Variants in LRFN2 observed in about 807,000 individuals in gnomAD.
LRFN2 encodes the protein leucine rich repeat and fibronectin type III domain containing 2, also known as leucine-rich repeat and fibronectin type-III domain-containing protein 2.
LRFN2 carries 18 observed loss-of-function variants against 37.3 expected under a neutral mutation model. The ratio of observed to expected loss-of-function variants is 0.48; its 90% CI spans 0.33 to 0.72. The LOEUF is 0.72. LRFN2 is among the 30% of genes least tolerant of loss of function. LRFN2 has a pLI of 0.02. For synonymous variants in LRFN2, 556 were observed against 466.6 expected (o/e 1.19, Z -2.47); for missense variants, 1,006 against 1,060.7 (o/e 0.95, Z 0.72).
At chr6:40,485,721 A>G (rs1470209021) in intron 1 of LRFN2, among the ~76,000 whole-genome samples, 1 of 152,230 alleles carries the variant, frequency 6.6e-6, no homozygotes. Context: ...AAGCCCTGGA[A>G]GAACTCAGGG....
intron 1 of LRFN2, among the ~76,000 whole-genome samples, chr6:40,580,188 C>T (rs1176584297): frequency 6.6e-6 from 1 of 152,226 alleles, no homozygotes; most frequent in Non-Finnish European, 1.5e-5. Flanking sequence ...CTCCCACACC[C>T]TATTTTGGTG....
intron 1 of LRFN2, among the ~76,000 whole-genome samples, chr6:40,520,878 G>A (rs1012543916): frequency 3.9e-5 from 6 of 152,026 alleles, no homozygotes; most frequent in South Asian, 2.1e-4. Context: ...CAGAGGGGCC[G>A]CGCCCAGCAG....
chr6:40,407,217 T>A (rs1168239155), intron 2 of LRFN2, among the ~76,000 whole-genome samples: 1 of 152,210 alleles, frequency 6.6e-6, no homozygotes, highest in Admixed American at 6.5e-5. Flanking sequence ...CTCATTCAGG[T>A]CTCCACAGAT....
intron 1 of LRFN2, among the ~76,000 whole-genome samples, chr6:40,493,076 C>T (rs1294280471): frequency 6.6e-6 from 1 of 152,088 alleles, no homozygotes; most frequent in Non-Finnish European, 1.5e-5. Context: ...GAGACTATGA[C>T]ATATGAAAGA....
At chr6:40,393,322 A>AAGGATGTGTCAGAGACCG (rs1181115775) in intron 2 of LRFN2, among the ~76,000 whole-genome samples, 2 of 151,592 alleles carry the variant, frequency 1.3e-5, no homozygotes, top group South Asian at 4.2e-4. Flanking sequence ...GTCAGAGACC[A>AAGGATGTGTCAGAGACCG]AGGATGTGTC....
intron 1 of LRFN2, among the ~76,000 whole-genome samples, chr6:40,492,641 G>A (rs767966810): frequency 1.5e-4 from 23 of 152,130 alleles, no homozygotes; most frequent in Non-Finnish European, 3.1e-4. Flanking sequence ...CCTGCCCTCA[G>A]GACTGCAACA....
At chr6:40,539,911 G>A (rs749650880) in intron 1 of LRFN2, among the ~76,000 whole-genome samples, 3 of 152,122 alleles carry the variant, frequency 2.0e-5, no homozygotes, top group Non-Finnish European at 4.4e-5. Flanking sequence ...AACCAAGAGA[G>A]GATAATCCTC....
intron 1 of LRFN2, among the ~76,000 whole-genome samples, chr6:40,434,149 G>A (rs761278035): frequency 9.9e-5 from 15 of 152,140 alleles, no homozygotes; most frequent in East Asian, 1.9e-4. Context: ...TGCTCTAGCC[G>A]TAAAGCCCCA....
intron 1 of LRFN2, among the ~76,000 whole-genome samples, chr6:40,483,641 A>C (rs958823932): frequency 2.8e-4 from 43 of 152,122 alleles, no homozygotes; most frequent in African/African-American, 8.2e-4. Context: ...TGCTGTCCCC[A>C]TTTTATCTCT....
intron 1 of LRFN2, among the ~76,000 whole-genome samples, chr6:40,495,158 C>T (rs1273961511): frequency 6.6e-6 from 1 of 152,174 alleles, no homozygotes; most frequent in Non-Finnish European, 1.5e-5. Context: ...TTCCATCATT[C>T]CTCAAATAAT....
intron 1 of LRFN2, among the ~76,000 whole-genome samples, chr6:40,523,622 G>C (rs2113903500): frequency 6.7e-6 from 1 of 150,248 alleles, no homozygotes; most frequent in East Asian, 2.0e-4. Flanking sequence ...CCTACTCTGT[G>C]CCAGCCCCTG....
intron 1 of LRFN2, among the ~76,000 whole-genome samples, chr6:40,487,959 G>A (rs566821658): frequency 6.6e-6 from 1 of 152,166 alleles, no homozygotes; most frequent in Non-Finnish European, 1.5e-5. Flanking sequence ...CCTCTGGCTG[G>A]TGGGCAGGGT....
intron 1 of LRFN2, among the ~76,000 whole-genome samples, chr6:40,553,117 G>T (rs1359236795): frequency 1.3e-5 from 2 of 152,166 alleles, no homozygotes; most frequent in Admixed American, 6.5e-5. Flanking sequence ...CTGCCTGCCA[G>T]GTGGAGGAGG....
Position 40,392,119 on chromosome 6 carries a change from C to T in LRFN2, c.2194G>A (p.Ala732Thr), listed in dbSNP as rs374574671. The change falls in exon 3 of 3, where the codon GCG (alanine) becomes ACG (threonine). Residue 732 changes from alanine to threonine, a missense_variant. By Grantham distance (58) the Ala-to-Thr change is moderately conservative. Transcript: ENST00000338305. This position sits in a 1 kb window ranked among gnomAD's most constrained non-coding sequence, Gnocchi z 4.7. ...CCCGGCACGACCCCTCCCGCCGCCG[C>T]AGCAGCAAAGTCCCCCATGTCGAAG... is the stretch of plus-strand genomic sequence containing the variant. ...HSFDMGDFAA[A>T]AAGGVVPGGY... 1.1e-5 allele frequency: 17 copies of T among 1,613,006 alleles called. No individual in the cohort carries two copies. The African/African-American group carries it at 2.0e-4, about 19-fold the overall frequency.
chr6:40,496,515 C>T (rs978669933), intron 1 of LRFN2, among the ~76,000 whole-genome samples: 2 of 152,002 alleles, frequency 1.3e-5, no homozygotes, highest in African/African-American at 4.8e-5. Flanking sequence ...TCAGCTCATT[C>T]CAGTCTTAGA....
At chr6:40,401,704 G>A (rs959420301) in intron 2 of LRFN2, among the ~76,000 whole-genome samples, 1 of 152,080 alleles carries the variant, frequency 6.6e-6, no homozygotes, top group Admixed American at 6.5e-5. Context: ...GAAGACATTG[G>A]TGCTGGTGTC....
intron 1 of LRFN2, among the ~76,000 whole-genome samples, chr6:40,436,894 C>T (rs964697604): frequency 2.0e-5 from 3 of 152,126 alleles, no homozygotes; most frequent in African/African-American, 7.2e-5. Context: ...ACGGCATCTG[C>T]TCAAATATAG....
chr6:40,428,318 G>A (rs1207198254), intron 2 of LRFN2, among the ~76,000 whole-genome samples: 3 of 152,272 alleles, frequency 2.0e-5, no homozygotes, highest in East Asian at 3.9e-4. Context: ...CATAAACATG[G>A]ACTAAAAAGC....
chr6:40,431,594 A>G, intron 2 of LRFN2, 120 bp downstream of exon 2: 1 of 782,898 alleles, frequency 1.3e-6, no homozygotes, highest in South Asian at 2.9e-5. Context: ...TTGCCCCAGA[A>G]TCCCCACAGA....
Sources: gnomAD v4.1 joint callset for allele counts (sites outside exome capture counted in the v4.1 genomes callset) on GRCh38, gnomAD v4.1.1 for gene constraint, Gnocchi (gnomAD v3.1) non-coding constraint, MANE v1.5 for transcripts, NCBI Gene and HGNC (gene_info 2026-07-23, HGNC 2026-07-21) for gene names.